Variants in LAMA4 observed in about 807,000 individuals in gnomAD.
LAMA4 encodes laminin subunit alpha-4.
In LAMA4, 127 loss-of-function variants were observed where a neutral mutation model predicts 207.1. The observed-to-expected ratio is 0.61, with a 90% confidence interval of 0.53 to 0.71. LAMA4 has a LOEUF of 0.71. Ranked by LOEUF, LAMA4 falls within the 30% of genes least tolerant of loss-of-function variation. The probability of loss-of-function intolerance (pLI) is 0.00; values close to 1 mark genes in which losing one functional copy is unlikely to be tolerated. For synonymous variants in LAMA4, 761 were observed against 816.0 expected (o/e 0.93, Z 1.15); for missense variants, 2,093 against 2,246.5 (o/e 0.93, Z 1.38).
intron 5 of LAMA4, among the ~76,000 whole-genome samples, chr6:112,195,402 T>A (rs1554350155): frequency 6.6e-6 from 1 of 152,168 alleles, no homozygotes; most frequent in African/African-American, 2.4e-5. Context: ...AAGAACTCTA[T>A]GCAAACAACA....
chr6:112,241,172 A>C (rs940594992), intron 2 of LAMA4, among the ~76,000 whole-genome samples: 1 of 89,404 alleles, frequency 1.1e-5, no homozygotes, highest in Non-Finnish European at 2.3e-5. Context: ...AATATATATG[A>C]ATATATATGA....
At chr6:112,193,652 T>G (rs1442618609) in intron 5 of LAMA4, among the ~76,000 whole-genome samples, 1 of 152,128 alleles carries the variant, frequency 6.6e-6, no homozygotes, top group Non-Finnish European at 1.5e-5. Context: ...CTATGTGAGT[T>G]TATTTAGTTA....
At position 112,122,001 on chromosome 6, in the gene LAMA4, T is replaced by C; in HGVS notation, c.4475+13A>G. ...TGTCATTAGGAGTCTAGGAGTATAGTGTGTTACTTTACTTGGCACCAAAAT... is the reference window on the plus strand; with the variant it reads ...TGTCATTAGGAGTCTAGGAGTATAGCGTGTTACTTTACTTGGCACCAAAAT... On this transcript the variant is annotated intron_variant, in intron 32 of 38. Transcript: ENST00000230538. 6.2e-7 allele frequency: 1 copy of C among 1,610,600 alleles called. No homozygotes were observed.
intron 12 of LAMA4, among the ~76,000 whole-genome samples, chr6:112,170,733 C>T (rs1554341478): frequency 6.6e-6 from 1 of 152,030 alleles, no homozygotes; most frequent in African/African-American, 2.4e-5. Context: ...CTTTTTGGAG[C>T]CCTGAGTTCA....
At chr6:112,244,102 A>G (rs931935887) in intron 2 of LAMA4, among the ~76,000 whole-genome samples, 1 of 152,206 alleles carries the variant, frequency 6.6e-6, no homozygotes, top group African/African-American at 2.4e-5. Context: ...AGTCCATTAA[A>G]ACAATTGAAA....
At chr6:112,241,160 T>TTCATATATAG (rs1786445420) in intron 2 of LAMA4, among the ~76,000 whole-genome samples, 1 of 56,016 alleles carries the variant, frequency 1.8e-5, no homozygotes, top group Non-Finnish European at 4.2e-5. Context: ...AATATATATA[T>TTCATATATAG]GAATATATAT....
At chr6:112,171,316 A>G (rs933760719) in intron 12 of LAMA4, among the ~76,000 whole-genome samples, 3 of 151,770 alleles carry the variant, frequency 2.0e-5, no homozygotes, top group Non-Finnish European at 4.4e-5. Context: ...GTTATAGGTG[A>G]TGAGGAGAAA....
intron 18 of LAMA4, among the ~76,000 whole-genome samples, chr6:112,146,436 G>A (rs1037375721): frequency 1.7e-4 from 26 of 152,118 alleles, no homozygotes; most frequent in Non-Finnish European, 3.4e-4. Context: ...AGCATCACCA[G>A]GAACTTGTCA....
At chr6:112,253,616 C>T in intron 2 of LAMA4, 1 of 889,160 alleles carries the variant, frequency 1.1e-6, no homozygotes, top group Non-Finnish European at 1.8e-6. Context: ...AGTGCCGTGG[C>T]TTGACAAAAT....
chr6:112,159,230 G>A (rs1483228307), intron 13 of LAMA4, among the ~76,000 whole-genome samples: 5 of 152,148 alleles, frequency 3.3e-5, no homozygotes, highest in African/African-American at 1.2e-4. Flanking sequence ...AAAAATGGAA[G>A]TTGTTTATAT....
intron 3 of LAMA4, among the ~76,000 whole-genome samples, chr6:112,208,134 T>C (rs1784170775): frequency 6.6e-6 from 1 of 152,120 alleles, no homozygotes; most frequent in Non-Finnish European, 1.5e-5. Flanking sequence ...TCAGAGTGTA[T>C]AAAGGTTGAA....
chr6:112,187,300 T>G (rs1283271269), intron 8 of LAMA4, 150 bp downstream of exon 8: 18 of 888,202 alleles, frequency 2.0e-5, no homozygotes, highest in Non-Finnish European at 3.1e-5. Context: ...CCTATGAAAT[T>G]ACTTATGTTT....
chr6:112,221,648 T>C (rs184953154), intron 2 of LAMA4, among the ~76,000 whole-genome samples: 1 of 152,168 alleles, frequency 6.6e-6, no homozygotes, highest in Admixed American at 6.5e-5. Flanking sequence ...GTGAGTTCCA[T>C]GTTTTGTTTT....
At position 112,154,906 on chromosome 6, in the gene LAMA4, A is replaced by G. The variant is rs1554336538; in HGVS notation, c.2001T>C (p.Asp667=). ...GIDTQIIYHK[D]ESENLLNQAR... Reference sequence around the variant, plus strand: ...CTTGATTGAGGAGGTTCTCACTTTCATCTTTATGGTAAATGATTTGAGTAT... The same window carrying G: ...CTTGATTGAGGAGGTTCTCACTTTCGTCTTTATGGTAAATGATTTGAGTAT... Residue 667 remains aspartate, a synonymous_variant, in exon 16 of 39, where the codon GAT becomes GAC. Coordinates refer to ENST00000230538, the MANE Select transcript of LAMA4 (RefSeq NM_001105206.3). 2.5e-6 allele frequency: 4 copies of G among 1,613,582 alleles called. No homozygotes were observed. The highest frequency in any genetic ancestry group is 1.7e-5 in the Admixed American group (1 of 60,026).
At chr6:112,189,079 G>C in intron 7 of LAMA4, 31 bp downstream of exon 7, 1 of 1,445,400 alleles carries the variant, frequency 6.9e-7, no homozygotes, top group Non-Finnish European at 9.7e-7. Flanking sequence ...AGAGAAAGTG[G>C]GGTTAGTCAA....
chr6:112,176,980 A>G (rs1371559696), intron 10 of LAMA4, among the ~76,000 whole-genome samples: 1 of 152,170 alleles, frequency 6.6e-6, no homozygotes, highest in Non-Finnish European at 1.5e-5. Flanking sequence ...AAGGTGAATT[A>G]TTTTCTCTGA....
At chr6:112,200,893 G>C (rs980368889) in intron 5 of LAMA4, among the ~76,000 whole-genome samples, 2 of 152,012 alleles carry the variant, frequency 1.3e-5, no homozygotes, top group African/African-American at 4.8e-5. Flanking sequence ...TGGGTGGGGG[G>C]CAAGGGGAGG....
At position 112,122,535 on chromosome 6, in the gene LAMA4, G is replaced by T. The variant is rs587729647; in HGVS notation, c.4288-334C>A. ...ATACTAGTGAAAAGTGGCAAAGTTG[G>T]CAATTAAAATGACCCTGAATCAATC... is the stretch of plus-strand genomic sequence containing the variant. On this transcript the variant is annotated intron_variant, in intron 31 of 38. Transcript: ENST00000230538. 5.3e-5 allele frequency among the ~76,000 whole-genome samples: 8 copies of T among 152,170 alleles called. No homozygotes were observed. The East Asian group carries it at 1.5e-3, about 29-fold the overall frequency.
Position 112,134,501 on chromosome 6 carries a change from T to G in LAMA4, c.3523A>C (p.Ile1175Leu). The change falls in exon 26 of 39, where the codon ATT becomes CTT. Residue 1175 changes from isoleucine to leucine, a missense_variant. Around this residue, in one of 3 missense-constraint regions of LAMA4, gnomAD observed 1,704 missense variants for 1,788.4 expected, o/e 0.95. Transcript: ENST00000230538. ...KMKIPFTDIY[I>L]GGAPPEILQS... The stretch of plus-strand genomic sequence containing the variant: ...AAGATTTCTGGAGGAGCTCCTCCAA[T>G]GTATATATCTGTAAAAGGTATTTTC... The G allele has an allele frequency of 6.2e-7, 1 of 1,612,794 alleles. No homozygotes were observed. The highest frequency in any genetic ancestry group is 8.5e-7 in the Non-Finnish European group (1 of 1,178,920).
Sources: gnomAD v4.1 joint callset for allele counts (sites outside exome capture counted in the v4.1 genomes callset) on GRCh38, gnomAD v4.1.1 for gene constraint, gnomAD v4.1.1 regional missense constraint, MANE v1.5 for transcripts, NCBI Gene and HGNC (gene_info 2026-07-23, HGNC 2026-07-21) for gene names.